Variants in ADAMTSL1 observed in about 807,000 individuals in gnomAD.
ADAMTSL1 encodes ADAMTS like 1.
Under a neutral mutation model 201.8 loss-of-function variants are expected in ADAMTSL1, and 126 were observed. The observed-to-expected ratio is 0.62, with a 90% CI of 0.54 to 0.72. ADAMTSL1 has a LOEUF of 0.72. Ranked by LOEUF, ADAMTSL1 falls within the 30% of genes least tolerant of loss-of-function variation. ADAMTSL1 has a pLI of 0.00. For missense variants in ADAMTSL1, 2,679 were observed against 2,277.8 expected (o/e 1.18, Z -3.59); for synonymous variants, 1,121 against 903.4 (o/e 1.24, Z -4.32).
intron 1 of ADAMTSL1, among the ~76,000 whole-genome samples, chr9:18,040,766 A>G (rs1273794600): frequency 6.7e-6 from 1 of 149,616 alleles, no homozygotes; most frequent in African/African-American, 2.4e-5. Flanking sequence ...AAGTGAAATG[A>G]AAAAAAAAAT....
chr9:17,907,926 A>G (rs1825787546), intron 1 of ADAMTSL1, among the ~76,000 whole-genome samples: 1 of 152,162 alleles, frequency 6.6e-6, no homozygotes, highest in Admixed American at 6.5e-5. Flanking sequence ...CTTGGCCGGA[A>G]TTACCGCCAG....
intron 2 of ADAMTSL1, among the ~76,000 whole-genome samples, chr9:18,174,041 A>G (rs1380724263): frequency 6.6e-6 from 1 of 152,198 alleles, no homozygotes. Context: ...TATAAATGTA[A>G]GGAGATGGAT....
intron 20 of ADAMTSL1, among the ~76,000 whole-genome samples, chr9:18,814,833 G>T (rs1471535228): frequency 1.3e-5 from 2 of 152,022 alleles, no homozygotes; most frequent in South Asian, 2.1e-4. Context: ...ATGACACAAG[G>T]TTACCTATGT....
intron 1 of ADAMTSL1, among the ~76,000 whole-genome samples, chr9:18,019,951 T>C: frequency 6.6e-6 from 1 of 152,116 alleles, no homozygotes; most frequent in East Asian, 1.9e-4. Context: ...AGAATCACTA[T>C]GCACCAGTGA....
chr9:18,635,994 T>C lies in ADAMTSL1; in HGVS notation c.653T>C (p.Val218Ala). Reference sequence around the variant, plus strand: ...TATGGAAGTAGACATATTCGCCTTGTCTTAAAAGGTCCTGATCACTTATGT... The same window carrying C: ...TATGGAAGTAGACATATTCGCCTTGCCTTAAAAGGTCCTGATCACTTATGT... ...IPYGSRHIRL[V>A]LKGPDHLYLE... The change falls in exon 6 of 29, where the codon GTC (valine) becomes GCC (alanine). Residue 218 changes from valine to alanine, a missense_variant. Physicochemically the swap from Val to Ala is moderately conservative, Grantham distance 64. Coordinates refer to ENST00000380548, the MANE Select transcript of ADAMTSL1 (RefSeq NM_001040272.6). The C allele has an allele frequency of 6.2e-7, 1 of 1,602,320 alleles. No homozygotes were observed. Among genetic ancestry groups the C allele is most frequent in the Non-Finnish European group, 8.5e-7 (1 of 1,177,444 alleles).
chr9:18,140,251 T>C (rs2132001259), intron 1 of ADAMTSL1, among the ~76,000 whole-genome samples: 1 of 152,208 alleles, frequency 6.6e-6, no homozygotes, highest in South Asian at 2.1e-4. Flanking sequence ...AAAAGGCTCT[T>C]TTTCTTTATC....
intron 23 of ADAMTSL1, among the ~76,000 whole-genome samples, chr9:18,884,907 A>C (rs1828756789): frequency 6.6e-6 from 1 of 152,020 alleles, no homozygotes; most frequent in Non-Finnish European, 1.5e-5. Flanking sequence ...TTAGCATGAG[A>C]TTCTCTATTT....
chr9:18,177,559 G>C (rs990645609), intron 2 of ADAMTSL1, among the ~76,000 whole-genome samples: 5 of 152,158 alleles, frequency 3.3e-5, no homozygotes, highest in African/African-American at 1.2e-4. Context: ...TAGGGACACA[G>C]CTTATTCTAC....
chr9:18,842,510 C>G (rs377431328), intron 23 of ADAMTSL1, among the ~76,000 whole-genome samples: 2 of 152,084 alleles, frequency 1.3e-5, no homozygotes, highest in African/African-American at 4.8e-5. Context: ...AAAATGTATA[C>G]TCTGTTGATT....
intron 2 of ADAMTSL1, among the ~76,000 whole-genome samples, chr9:18,318,657 T>C (rs1003489409): frequency 6.6e-6 from 1 of 152,152 alleles, no homozygotes; most frequent in Non-Finnish European, 1.5e-5. Context: ...AAGGAGCTGA[T>C]ATGATTGGAA....
chr9:18,770,328 A>G (rs545056537), intron 16 of ADAMTSL1, among the ~76,000 whole-genome samples: 1 of 152,316 alleles, frequency 6.6e-6, no homozygotes, highest in East Asian at 1.9e-4. Flanking sequence ...ACTGCAAATC[A>G]TAGTTCAGGA....
At chr9:18,492,668 T>C (rs955615193) in intron 1 of ADAMTSL1, among the ~76,000 whole-genome samples, 1 of 152,244 alleles carries the variant, frequency 6.6e-6, no homozygotes, top group Non-Finnish European at 1.5e-5. Flanking sequence ...CAAATGCTTA[T>C]GTTCCATTTT....
chr9:18,559,606 C>G (rs1395733813), intron 3 of ADAMTSL1, among the ~76,000 whole-genome samples: 1 of 152,114 alleles, frequency 6.6e-6, no homozygotes, highest in Non-Finnish European at 1.5e-5. Context: ...GGCATGATGG[C>G]CATTTTCACG....
intron 9 of ADAMTSL1, 123 bp from the exon 10 acceptor site, chr9:18,675,734 A>G: frequency 2.3e-6 from 2 of 873,150 alleles, no homozygotes; most frequent in Admixed American, 2.3e-5. Context: ...GTGTTGTTTT[A>G]TAGATACAAT....
intron 2 of ADAMTSL1, among the ~76,000 whole-genome samples, chr9:18,425,286 G>A (rs978431896): frequency 2.6e-5 from 4 of 152,002 alleles, no homozygotes; most frequent in African/African-American, 9.7e-5. Context: ...AATTATTAGA[G>A]TAATGTGAGT....
intron 2 of ADAMTSL1, among the ~76,000 whole-genome samples, chr9:18,506,778 A>T (rs1052985917): frequency 1.3e-5 from 2 of 152,166 alleles, no homozygotes; most frequent in Non-Finnish European, 2.9e-5. Context: ...AAAAATATAT[A>T]TTCAGTAATC....
At chr9:18,349,330 C>T (rs1045151463) in intron 2 of ADAMTSL1, among the ~76,000 whole-genome samples, 1 of 152,114 alleles carries the variant, frequency 6.6e-6, no homozygotes, top group African/African-American at 2.4e-5. Context: ...TTTATGGCTG[C>T]CTTTAAATGA....
At chr9:18,661,631 T>C (rs1213320504) in intron 8 of ADAMTSL1, among the ~76,000 whole-genome samples, 2 of 152,216 alleles carry the variant, frequency 1.3e-5, no homozygotes, top group African/African-American at 4.8e-5. Context: ...ATTATATTTT[T>C]AGATCATATA....
intron 2 of ADAMTSL1, among the ~76,000 whole-genome samples, chr9:18,411,474 T>C (rs865984362): frequency 2.0e-5 from 3 of 152,242 alleles, no homozygotes; most frequent in South Asian, 4.1e-4. Flanking sequence ...GCTAGGATTA[T>C]AGGCGTGAGC....
Sources: allele counts gnomAD v4.1 joint callset (sites outside exome capture counted in the v4.1 genomes callset), GRCh38; gene constraint gnomAD v4.1.1; transcripts MANE v1.5; gene names NCBI Gene and HGNC (gene_info 2026-07-23, HGNC 2026-07-21).